Variants in KCNH5 observed in about 807,000 individuals in gnomAD.
KCNH5 encodes the protein voltage-gated delayed rectifier potassium channel KCNH5.
Under a neutral mutation model 96.1 loss-of-function variants are expected in KCNH5, and 46 were observed. The observed-to-expected ratio is 0.48, with a 90% CI of 0.38 to 0.61. KCNH5 has a LOEUF of 0.61. KCNH5 is among the 20% of genes least tolerant of loss of function. KCNH5 has a pLI of 0.00. For synonymous variants in KCNH5, 439 were observed against 449.8 expected, an observed-to-expected ratio of 0.98 and a Z score of 0.30; for missense variants, 907 against 1,225.8, an observed-to-expected ratio of 0.74 and a Z score of 3.88.
intron 10 of KCNH5, among the ~76,000 whole-genome samples, chr14:62,743,494 T>A (rs937071669): frequency 6.6e-6 from 1 of 152,248 alleles, no homozygotes; most frequent in Non-Finnish European, 1.5e-5. Flanking sequence ...TTTAGGATTT[T>A]TACCTATTAA....
At chr14:63,005,661 G>T (rs1463298921) in intron 3 of KCNH5, among the ~76,000 whole-genome samples, 3 of 152,224 alleles carry the variant, frequency 2.0e-5, no homozygotes, top group Non-Finnish European at 4.4e-5. Flanking sequence ...TGCAAATAAA[G>T]TGAATTAGAA....
intron 6 of KCNH5, among the ~76,000 whole-genome samples, chr14:62,969,757 ATTTTT>A (rs779644836): frequency 8.8e-6 from 1 of 113,920 alleles, no homozygotes. Context: ...AATAAAATTA[ATTTTT>A]TTTTTTTTTT....
chr14:63,036,408 A>G (rs1443601692), intron 1 of KCNH5, among the ~76,000 whole-genome samples: 1 of 152,168 alleles, frequency 6.6e-6, no homozygotes, highest in Non-Finnish European at 1.5e-5. Context: ...AAGTAAGACT[A>G]ACATTATACT....
chr14:62,934,655 G>C (rs75779798), intron 7 of KCNH5, among the ~76,000 whole-genome samples: 2,941 of 152,238 alleles, frequency 0.019, 58 homozygotes, highest in East Asian at 0.081. Flanking sequence ...TTTTCAAGAG[G>C]AGTGTGGTAA....
At chr14:62,820,730 C>A (rs2140017474) in intron 8 of KCNH5, among the ~76,000 whole-genome samples, 1 of 152,180 alleles carries the variant, frequency 6.6e-6, no homozygotes. Context: ...TTTCTTTATT[C>A]AATCTATCAT....
intron 7 of KCNH5, among the ~76,000 whole-genome samples, chr14:62,947,484 G>T (rs1187238457): frequency 2.6e-5 from 4 of 152,142 alleles, no homozygotes; most frequent in African/African-American, 9.7e-5. Flanking sequence ...GAGCCTGCCT[G>T]TTCTTGTTCC....
At chr14:62,986,576 T>C (rs1890712546) in intron 5 of KCNH5, among the ~76,000 whole-genome samples, 1 of 152,152 alleles carries the variant, frequency 6.6e-6, no homozygotes, top group Non-Finnish European at 1.5e-5. Context: ...CCAGGTATCA[T>C]CTCACTCACA....
chr14:62,889,420 AGAG>A (rs1344256937), intron 7 of KCNH5, among the ~76,000 whole-genome samples: 4 of 152,226 alleles, frequency 2.6e-5, no homozygotes, highest in African/African-American at 7.2e-5. Flanking sequence ...GCTCAATTGC[AGAG>A]GAGAAGAATA....
rs530756565 is a variant in KCNH5 at position 62,862,273 on chromosome 14, A to G, written c.1370-12421T>C. 2.0e-5 allele frequency among the ~76,000 whole-genome samples: 3 copies of G among 152,344 alleles called. No homozygotes were observed. The South Asian group carries it at 6.2e-4, about 32-fold the overall frequency. On this transcript the variant is annotated intron_variant, in intron 7 of 10. Coordinates refer to ENST00000322893, the MANE Select transcript of KCNH5 (RefSeq NM_139318.5). ...AGATTGATCCGAGATACAAAGACTG[A>G]AGTGGCCGGCACTGCCAATAACCTA...
At chr14:62,986,948 A>G in intron 5 of KCNH5, 124 bp downstream of exon 5, 1 of 668,516 alleles carries the variant, frequency 1.5e-6, no homozygotes, top group Admixed American at 2.8e-5. Flanking sequence ...TCTACAAGGG[A>G]AACATAAATT....
intron 10 of KCNH5, among the ~76,000 whole-genome samples, chr14:62,733,364 C>T (rs144063176): frequency 2.8e-4 from 43 of 152,008 alleles, no homozygotes; most frequent in Non-Finnish European, 6.0e-4. Flanking sequence ...CTCTCTCTGC[C>T]CTCTACCATA....
At chr14:62,761,859 G>T (rs1412948478) in intron 10 of KCNH5, among the ~76,000 whole-genome samples, 1 of 152,132 alleles carries the variant, frequency 6.6e-6, no homozygotes. Flanking sequence ...ACCTTTCGAA[G>T]GATGGCATTG....
chr14:62,875,551 G>C lies in KCNH5; in HGVS notation c.1370-25699C>G, dbSNP rs151314187. The stretch of plus-strand genomic sequence containing the variant: ...GAAATTAAAAAGTCAAGAAACAACA[G>C]ATGCTGGCGAGGAGAAACAGGAATG... On this transcript the variant is annotated intron_variant, in intron 7 of 10. Coordinates refer to ENST00000322893, the MANE Select transcript of KCNH5 (RefSeq NM_139318.5). Among the ~76,000 whole-genome samples, 990 of 152,072 alleles carry C rather than the reference G, an allele frequency of 6.5e-3. 10 individuals are homozygous for C. Among genetic ancestry groups the C allele is most frequent in the African/African-American group, 0.022 (912 of 41,518 alleles).
intron 10 of KCNH5, among the ~76,000 whole-genome samples, chr14:62,775,114 T>C (rs932088398): frequency 2.0e-5 from 3 of 152,218 alleles, no homozygotes; most frequent in South Asian, 2.1e-4. Context: ...GCACATATGA[T>C]ATATGAAAAT....
At chr14:62,863,941 C>G (rs949686100) in intron 7 of KCNH5, among the ~76,000 whole-genome samples, 4 of 152,028 alleles carry the variant, frequency 2.6e-5, no homozygotes, top group Admixed American at 2.6e-4. Context: ...ATACAATTAC[C>G]TCTTATACTC....
chr14:62,834,242 T>C (rs1480886142), intron 8 of KCNH5, among the ~76,000 whole-genome samples: 4 of 152,020 alleles, frequency 2.6e-5, no homozygotes, highest in Admixed American at 2.6e-4. Flanking sequence ...TCTTTTCCTT[T>C]TCCTAGCTAG....
At chr14:62,953,087 C>T (rs182766922) in intron 6 of KCNH5, among the ~76,000 whole-genome samples, 1 of 151,462 alleles carries the variant, frequency 6.6e-6, no homozygotes, top group East Asian at 1.9e-4. Flanking sequence ...ACCACTTAAA[C>T]ATTATAAAAT....
chr14:62,931,780 GCCT>G (rs1379648602), intron 7 of KCNH5, among the ~76,000 whole-genome samples: 3 of 152,108 alleles, frequency 2.0e-5, no homozygotes, highest in Non-Finnish European at 2.9e-5. Flanking sequence ...CCCTCCAGAT[GCCT>G]TCCCTAATTC....
At chr14:62,809,238 T>G (rs1886827022) in intron 8 of KCNH5, among the ~76,000 whole-genome samples, 1 of 152,164 alleles carries the variant, frequency 6.6e-6, no homozygotes, top group Non-Finnish European at 1.5e-5. Context: ...GTTATGAGTA[T>G]TCTTAACTTA....
Sources: gnomAD v4.1 joint callset for allele counts (sites outside exome capture counted in the v4.1 genomes callset) on GRCh38, gnomAD v4.1.1 for gene constraint, MANE v1.5 for transcripts, NCBI Gene and HGNC (gene_info 2026-07-23, HGNC 2026-07-21) for gene names.